LRCH4: variants seen among roughly 807,000 people sequenced by gnomAD.
LRCH4 encodes leucine rich repeats and calponin homology domain containing 4.
Under a neutral mutation model 81.2 loss-of-function variants are expected in LRCH4, and 56 were observed. The observed-to-expected ratio is 0.69, with a 90% confidence interval of 0.56 to 0.86. The LOEUF is 0.86. Ranked by LOEUF, LRCH4 falls within the 40% of genes least tolerant of loss-of-function variation. LRCH4 has a pLI of 0.00. For synonymous variants in LRCH4, 442 were observed against 409.7 expected, an observed-to-expected ratio of 1.08 and a Z score of -0.95; for missense variants, 895 against 922.8, an observed-to-expected ratio of 0.97 and a Z score of 0.39.
In LRCH4 at chr7:100,575,722, T is replaced by C. The variant is rs776736804; in HGVS notation, c.1837A>G (p.Lys613Glu). ...NVESFLEACR[K>E]MGVPEADLCS... ...CCCCATACCTCAGGCACCCCCATTT[T>C]TCGACAGGCTTCTAGAAAACTCTCC... The change falls in exon 17 of 18, where the codon AAA becomes GAA. Residue 613 changes from lysine (K) to glutamate (E), a missense_variant. Around this residue, in one of 3 missense-constraint regions of LRCH4, gnomAD observed 529 missense variants for 504.9 expected, o/e 1.05. Coordinates refer to ENST00000310300, the MANE Select transcript of LRCH4 (RefSeq NM_002319.5). The surrounding 1 kb of genome is among the most constrained non-coding windows in gnomAD (Gnocchi z 5.3). 5 of 1,613,888 alleles carry C rather than the reference T, an allele frequency of 3.1e-6. No individual in the cohort carries two copies. Among genetic ancestry groups the C allele is most frequent in the South Asian group, 2.2e-5 (2 of 91,050 alleles).
Position 100,583,490 on chromosome 7 carries a change from G to A in LRCH4, c.221-1031C>T, listed in dbSNP as rs1801625020. On this transcript the variant is annotated intron_variant, in intron 1 of 17. Coordinates refer to ENST00000310300, the MANE Select transcript of LRCH4 (RefSeq NM_002319.5). This position sits in a 1 kb window ranked among gnomAD's most constrained non-coding sequence, Gnocchi z 4.3. ...AGGCGGAGTCCCAGGCCACAGACCTGGTGAGCTTCTCCAAGGGCCCTTCTC... is the reference window on the plus strand; with the variant it reads ...AGGCGGAGTCCCAGGCCACAGACCTAGTGAGCTTCTCCAAGGGCCCTTCTC... Among the ~76,000 whole-genome samples the A allele has an allele frequency of 1.3e-5, 2 of 152,154 alleles. No homozygotes were observed. The highest frequency in any genetic ancestry group is 1.5e-5 in the Non-Finnish European group (1 of 68,014).
At position 100,578,998 on chromosome 7, in the gene LRCH4, C is replaced by A; in HGVS notation, c.599-212G>T. ...TCTAAGCGAGCCTCCCTGAGAGGGCCCATCTGGACGTCAGCTCAGCTTCCC... is the reference window on the plus strand; with the variant it reads ...TCTAAGCGAGCCTCCCTGAGAGGGCACATCTGGACGTCAGCTCAGCTTCCC... On this transcript the variant is annotated intron_variant, in intron 4 of 17. Coordinates refer to ENST00000310300, the MANE Select transcript of LRCH4 (RefSeq NM_002319.5). This position sits in a 1 kb window ranked among gnomAD's most constrained non-coding sequence, Gnocchi z 5.7. The A allele has an allele frequency of 5.2e-6, 3 of 574,504 alleles. No homozygotes were observed. The South Asian group carries it at 6.5e-5, about 12-fold the overall frequency. 35.6% of individuals were successfully genotyped at this position (574,504 alleles called of 1,614,324 possible). A position where few individuals can be genotyped will look rare whatever the true frequency, so the allele number is the denominator to read the frequency against.
rs1459056134 is a variant in LRCH4 at position 100,585,780 on chromosome 7, G to A, written c.220+101C>T. 2.8e-5 allele frequency: 36 copies of A among 1,296,750 alleles called. No homozygotes were observed. In the East Asian group the frequency reaches 7.0e-4, roughly 25 times the overall value. 80.3% of individuals were successfully genotyped at this position (1,296,750 alleles called of 1,614,324 possible). A position where few individuals can be genotyped will look rare whatever the true frequency, so the allele number is the denominator to read the frequency against. Reference sequence around the variant, plus strand: ...ATCAGGAGGGGCAGCAACCCTGGCCGCCAGGTGAAGGGGCGGGCCCGACTC... The same window carrying A: ...ATCAGGAGGGGCAGCAACCCTGGCCACCAGGTGAAGGGGCGGGCCCGACTC... On this transcript the variant is annotated intron_variant, in intron 1 of 17. Transcript: ENST00000310300.
chr7:100,575,004 G>T lies in LRCH4; in HGVS notation c.*103C>A. ...GTGTCTGTGAAGGGGGTGCACTAGTGTCTTTGGTTGGGGCTGAAGGCACCG... is the reference window on the plus strand; with the variant it reads ...GTGTCTGTGAAGGGGGTGCACTAGTTTCTTTGGTTGGGGCTGAAGGCACCG... On this transcript the variant is annotated 3_prime_UTR_variant, in exon 18 of 18. Coordinates refer to ENST00000310300, the MANE Select transcript of LRCH4 (RefSeq NM_002319.5). This position sits in a 1 kb window ranked among gnomAD's most constrained non-coding sequence, Gnocchi z 5.3. The T allele has an allele frequency of 2.7e-6, 3 of 1,118,188 alleles. No homozygotes were observed. The highest frequency in any genetic ancestry group is 3.8e-6 in the Non-Finnish European group (3 of 788,558). The allele number at this position is 1,118,188 out of a possible 1,614,324, so 69.3% of individuals were successfully genotyped here. A position where few individuals can be genotyped will look rare whatever the true frequency, so the allele number is the denominator to read the frequency against.
At position 100,578,098 on chromosome 7, in the gene LRCH4, A is replaced by G; in HGVS notation, c.948+61T>C. On this transcript the variant is annotated intron_variant, in intron 7 of 17. Coordinates refer to ENST00000310300, the MANE Select transcript of LRCH4 (RefSeq NM_002319.5). The surrounding 1 kb of genome is among the most constrained non-coding windows in gnomAD (Gnocchi z 5.7). The stretch of plus-strand genomic sequence containing the variant: ...GGCACCCTGCAATTTGGAGGTCCCC[A>G]GTTCAGAGGTGCTCTCCCAGGGCTG... 1 of 1,529,290 alleles carries G rather than the reference A, an allele frequency of 6.5e-7. No homozygotes were observed. Among genetic ancestry groups the G allele is most frequent in the East Asian group, 2.3e-5 (1 of 44,298 alleles). The allele number at this position is 1,529,290 out of a possible 1,614,324, so 94.7% of individuals were successfully genotyped here.
chr7:100,575,964 G>C lies in LRCH4; in HGVS notation c.1683C>G (p.Ala561=), dbSNP rs530148393. 5 of 1,608,982 alleles carry C rather than the reference G, an allele frequency of 3.1e-6. No individual in the cohort carries two copies. Among genetic ancestry groups the C allele is most frequent in the Non-Finnish European group, 4.2e-6 (5 of 1,178,888 alleles). The change falls in exon 16 of 18, where the codon GCC becomes GCG. Residue 561 remains alanine (A), a synonymous_variant. Transcript: ENST00000310300. This position sits in a 1 kb window ranked among gnomAD's most constrained non-coding sequence, Gnocchi z 5.3. ...GGATGACCCCACTGGCCAGAGCCTC[G>C]GCCAGGTCCTCAGGCAGGGGCCGCT... The part of the protein sequence containing the change: ...RLQRPLPEDL[A]EALASGVILC...
chr7:100,585,542 T>G (rs1243776172), intron 1 of LRCH4, among the ~76,000 whole-genome samples: 1 of 151,352 alleles, frequency 6.6e-6, no homozygotes, highest in Non-Finnish European at 1.5e-5. Context: ...GACTGCTTCA[T>G]AGACCGATTG....
chr7:100,584,883 G>A (rs986483806), intron 1 of LRCH4: 16 of 420,750 alleles, frequency 3.8e-5, no homozygotes, highest in South Asian at 2.0e-4. Flanking sequence ...GCTGGGGTGA[G>A]GCTTCGGGAA....
At chr7:100,576,196 C>T (rs751528956) in intron 15 of LRCH4, 42 bp downstream of exon 15, 30 of 1,596,110 alleles carry the variant, frequency 1.9e-5, no homozygotes, top group Non-Finnish European at 2.5e-5. Context: ...AAGGAGGTGC[C>T]CGGCCCAGGC....
At chr7:100,579,211 G>A (rs1019199454) in intron 4 of LRCH4, 3 of 200,484 alleles carry the variant, frequency 1.5e-5, no homozygotes, top group Non-Finnish European at 3.1e-5. Flanking sequence ...GTGGCCGCCC[G>A]GGAGTCCCCT....
In LRCH4 at chr7:100,581,874, G is replaced by A. The variant is rs1178760469; in HGVS notation, c.501C>T (p.Ser167=). ...AGGGCAGGGATTGGAGCTCGTTGCTGCTCACGTCCTGGTATCAGGAAGGCA... is the reference window on the plus strand; with the variant it reads ...AGGGCAGGGATTGGAGCTCGTTGCTACTCACGTCCTGGTATCAGGAAGGCA... The part of the protein sequence containing the change: ...TLGSLRQLDV[S]SNELQSLPSE... The change falls in exon 4 of 18, where the codon AGC becomes AGT. Residue 167 remains serine (S), a synonymous_variant. Coordinates refer to ENST00000310300, the MANE Select transcript of LRCH4 (RefSeq NM_002319.5). The A allele has an allele frequency of 1.9e-6, 3 of 1,614,132 alleles. No individual in the cohort carries two copies. Among genetic ancestry groups the A allele is most frequent in the Middle Eastern group, 1.7e-4 (1 of 6,060 alleles).
rs536204429 is a variant in LRCH4 at position 100,575,762 on chromosome 7, C to T, written c.1797G>A (p.Lys599=). 1 of 1,611,052 alleles carries T rather than the reference C, an allele frequency of 6.2e-7. No individual in the cohort carries two copies. Among genetic ancestry groups the T allele is most frequent in the East Asian group, 2.2e-5 (1 of 44,784 alleles). ...GAAAACTCTCCACATTCTTCCGAGC[C>T]TTGAGGGCACTGAGTTTTGGCTGGG... ...SPAVPKLSAL[K]ARKNVESFLE... The change falls in exon 17 of 18, where the codon AAG becomes AAA. Residue 599 remains lysine, a synonymous_variant. Coordinates refer to ENST00000310300, the MANE Select transcript of LRCH4 (RefSeq NM_002319.5). The surrounding 1 kb of genome is among the most constrained non-coding windows in gnomAD (Gnocchi z 5.3).
intron 1 of LRCH4, chr7:100,584,240 T>A (rs1439137075): frequency 4.4e-6 from 2 of 456,276 alleles, no homozygotes; most frequent in African/African-American, 4.0e-5. Flanking sequence ...CCCCTTTCTG[T>A]CCCTGCTTGC....
In LRCH4 at chr7:100,581,867, C is replaced by T; in HGVS notation, c.508G>A (p.Glu170Lys). 7 of 1,614,114 alleles carry T rather than the reference C, an allele frequency of 4.3e-6. No homozygotes were observed. The highest frequency in any genetic ancestry group is 5.9e-6 in the Non-Finnish European group (7 of 1,180,016). Residue 170 changes from glutamate (E) to lysine (K), a missense_variant, in exon 4 of 18, where the codon GAG (glutamate) becomes AAG (lysine). Transcript: ENST00000310300. ...AGTTCCGAGGGCAGGGATTGGAGCTCGTTGCTGCTCACGTCCTGGTATCAG... is the reference window on the plus strand; with the variant it reads ...AGTTCCGAGGGCAGGGATTGGAGCTTGTTGCTGCTCACGTCCTGGTATCAG... ...SLRQLDVSSN[E>K]LQSLPSELCG...
rs1361461136 is a variant in LRCH4 at position 100,577,748 on chromosome 7, G to T, written c.1040-8C>A. 2.5e-6 allele frequency: 4 copies of T among 1,614,004 alleles called. No homozygotes were observed. The African/African-American group carries it at 5.3e-5, about 22-fold the overall frequency. On this transcript the variant is annotated splice_region_variant and splice_polypyrimidine_tract_variant and intron_variant, in intron 8 of 17. Coordinates refer to ENST00000310300, the MANE Select transcript of LRCH4 (RefSeq NM_002319.5). This position sits in a 1 kb window ranked among gnomAD's most constrained non-coding sequence, Gnocchi z 6.7. The stretch of plus-strand genomic sequence containing the variant: ...GCACAGGGTCTCCGTCCGCTGGGGA[G>T]GCCAGCATGTCAGCAAGTGAGCGGG...
intron 4 of LRCH4, 70 bp downstream of exon 4, chr7:100,581,707 C>A: frequency 2.2e-6 from 3 of 1,347,144 alleles, no homozygotes; most frequent in Non-Finnish European, 3.2e-6. Flanking sequence ...GCAGTGTTTT[C>A]GTTACCGCAG....
rs1260461825 is a variant in LRCH4, at chr7:100,582,993, A to G, written c.221-534T>C. On this transcript the variant is annotated intron_variant, in intron 1 of 17. Transcript: ENST00000310300. The surrounding 1 kb of genome is among the most constrained non-coding windows in gnomAD (Gnocchi z 5.0). Reference sequence around the variant, plus strand: ...AGGTCACTCTATCTTGGTTCTAGAGATAAAGTCCCCGACACCGGACGAGTT... The same window carrying G: ...AGGTCACTCTATCTTGGTTCTAGAGGTAAAGTCCCCGACACCGGACGAGTT... 6.6e-6 allele frequency among the ~76,000 whole-genome samples: 1 copy of G among 152,118 alleles called. No homozygotes were observed. Among genetic ancestry groups the G allele is most frequent in the South Asian group, 2.1e-4 (1 of 4,826 alleles).
At chr7:100,581,714 G>T in intron 4 of LRCH4, 63 bp downstream of exon 4, 1 of 1,453,202 alleles carries the variant, frequency 6.9e-7, no homozygotes, top group Non-Finnish European at 9.6e-7. Context: ...TTTCGTTACC[G>T]CAGCCTGAGC....
rs956680936 is a variant in LRCH4, at chr7:100,578,987, C to T, written c.599-201G>A. The stretch of plus-strand genomic sequence containing the variant: ...CTGGTCCACGGTCTAAGCGAGCCTC[C>T]CTGAGAGGGCCCATCTGGACGTCAG... On this transcript the variant is annotated intron_variant, in intron 4 of 17. Transcript: ENST00000310300. This position sits in a 1 kb window ranked among gnomAD's most constrained non-coding sequence, Gnocchi z 5.7. The T allele has an allele frequency of 1.7e-6, 1 of 585,232 alleles. No individual in the cohort carries two copies. Among genetic ancestry groups the T allele is most frequent in the Admixed American group, 3.3e-5 (1 of 30,070 alleles). 36.3% of individuals were successfully genotyped at this position (585,232 alleles called of 1,614,324 possible).
Sources: allele counts gnomAD v4.1 joint callset (sites outside exome capture counted in the v4.1 genomes callset), GRCh38; gene constraint gnomAD v4.1.1; regional missense constraint gnomAD v4.1.1; non-coding constraint Gnocchi (gnomAD v3.1); transcripts MANE v1.5; gene names NCBI Gene and HGNC (gene_info 2026-07-23, HGNC 2026-07-21).